The following PTPRR variants were observed in gnomAD, a reference collection of about 807,000 sequenced individuals.
PTPRR encodes receptor-type tyrosine-protein phosphatase R.
In PTPRR, 38 loss-of-function variants were observed where a neutral mutation model predicts 77.2. That is an observed-to-expected ratio of 0.49 (90% CI 0.38 to 0.65). PTPRR has a LOEUF of 0.65. Ranked by LOEUF, PTPRR falls within the 30% of genes least tolerant of loss-of-function variation. The probability of loss-of-function intolerance (pLI) is 0.00; values close to 1 mark genes in which losing one functional copy is unlikely to be tolerated. For missense variants in PTPRR, 744 were observed against 799.2 expected, an observed-to-expected ratio of 0.93 and a Z score of 0.83; for synonymous variants, 299 against 283.1, an observed-to-expected ratio of 1.06 and a Z score of -0.57.
At chr12:70,743,049 C>A (rs1308170047) in intron 6 of PTPRR, among the ~76,000 whole-genome samples, 1 of 152,034 alleles carries the variant, frequency 6.6e-6, no homozygotes, top group Admixed American at 6.6e-5. Flanking sequence ...GCTAAAGGTA[C>A]TTTTTCAGGA....
chr12:70,832,785 C>A (rs1283320472), intron 2 of PTPRR, among the ~76,000 whole-genome samples: 1 of 152,046 alleles, frequency 6.6e-6, no homozygotes, highest in East Asian at 1.9e-4. Flanking sequence ...TGATGTTCTG[C>A]AGGCTGTACA....
chr12:70,772,958 T>C (rs978547510), intron 2 of PTPRR, among the ~76,000 whole-genome samples: 9 of 152,160 alleles, frequency 5.9e-5, no homozygotes, highest in African/African-American at 2.2e-4. Flanking sequence ...AGTGGGGCCA[T>C]GTTCCCTCTT....
At chr12:70,733,441 A>AAAAAAG (rs1555171088) in intron 6 of PTPRR, among the ~76,000 whole-genome samples, 3 of 94,116 alleles carry the variant, frequency 3.2e-5, no homozygotes, top group African/African-American at 1.2e-4. Context: ...AAAAAAAAAA[A>AAAAAAG]AAAAGAAAGA....
chr12:70,673,726 C>T (rs903211796), intron 10 of PTPRR, among the ~76,000 whole-genome samples: 1 of 151,986 alleles, frequency 6.6e-6, no homozygotes, highest in African/African-American at 2.4e-5. Flanking sequence ...AAAATTCAAA[C>T]CAAAGTGGGC....
chr12:70,876,046 C>T (rs77559818), intron 2 of PTPRR, among the ~76,000 whole-genome samples: 2,209 of 152,180 alleles, frequency 0.015, 59 homozygotes, highest in African/African-American at 0.05. Flanking sequence ...CATCAGGCAC[C>T]TTTATGCACA....
At chr12:70,665,887 T>C (rs1193515843) in intron 10 of PTPRR, among the ~76,000 whole-genome samples, 1 of 152,200 alleles carries the variant, frequency 6.6e-6, no homozygotes, top group East Asian at 1.9e-4. Flanking sequence ...TATCATCACA[T>C]AGAATGTGGC....
At chr12:70,644,316 G>A (rs1027393964) in intron 13 of PTPRR, among the ~76,000 whole-genome samples, 3 of 152,150 alleles carry the variant, frequency 2.0e-5, no homozygotes, top group Non-Finnish European at 1.5e-5. Flanking sequence ...CTACTGCTAA[G>A]CAGGAGTTAG....
intron 2 of PTPRR, among the ~76,000 whole-genome samples, chr12:70,774,132 C>T (rs772987607): frequency 2.8e-4 from 42 of 152,306 alleles, no homozygotes; most frequent in Non-Finnish European, 5.9e-4. Flanking sequence ...TACTACCCTT[C>T]CCTTGCAAGG....
chr12:70,668,088 C>G (rs924862666), intron 10 of PTPRR, among the ~76,000 whole-genome samples: 2 of 152,062 alleles, frequency 1.3e-5, no homozygotes, highest in African/African-American at 4.8e-5. Context: ...GATTTCTAAC[C>G]TTGAATGTAA....
chr12:70,814,046 G>A (rs1206405059), intron 2 of PTPRR, among the ~76,000 whole-genome samples: 1 of 152,176 alleles, frequency 6.6e-6, no homozygotes, highest in African/African-American at 2.4e-5. Flanking sequence ...AGAGTATTCA[G>A]AATGACTTAG....
intron 6 of PTPRR, among the ~76,000 whole-genome samples, chr12:70,730,615 T>C (rs993782416): frequency 2.6e-5 from 4 of 151,898 alleles, no homozygotes; most frequent in African/African-American, 7.3e-5. Flanking sequence ...AGAGGATCAC[T>C]TGAGACCAGG....
intron 5 of PTPRR, among the ~76,000 whole-genome samples, chr12:70,748,835 T>A (rs1311063061): frequency 6.6e-6 from 1 of 152,210 alleles, no homozygotes; most frequent in Non-Finnish European, 1.5e-5. Flanking sequence ...GTTCATTCAC[T>A]CTTTTAATTT....
At chr12:70,877,182 C>T (rs1893066293) in intron 2 of PTPRR, among the ~76,000 whole-genome samples, 1 of 152,132 alleles carries the variant, frequency 6.6e-6, no homozygotes, top group African/African-American at 2.4e-5. Flanking sequence ...TCGGTCAGGC[C>T]AGCACATGTG....
intron 2 of PTPRR, among the ~76,000 whole-genome samples, chr12:70,801,974 C>G (rs184953655): frequency 9.2e-5 from 14 of 152,160 alleles, no homozygotes; most frequent in African/African-American, 3.1e-4. Flanking sequence ...ACAGATGGTG[C>G]AGGGGTGTCG....
chr12:70,730,270 G>T (rs1246499195), intron 6 of PTPRR, among the ~76,000 whole-genome samples: 3 of 152,180 alleles, frequency 2.0e-5, no homozygotes, highest in Non-Finnish European at 4.4e-5. Flanking sequence ...CAACACTTTG[G>T]GAGGCCAAGG....
chr12:70,898,314 T>A (rs942125824), intron 1 of PTPRR, among the ~76,000 whole-genome samples: 3 of 150,812 alleles, frequency 2.0e-5, no homozygotes, highest in African/African-American at 7.3e-5. Context: ...AAGTGATACT[T>A]CTATAAATGT....
At chr12:70,767,154 A>C (rs1324278075) in intron 2 of PTPRR, among the ~76,000 whole-genome samples, 1 of 152,130 alleles carries the variant, frequency 6.6e-6, no homozygotes, top group Non-Finnish European at 1.5e-5. Flanking sequence ...GATCAAATTC[A>C]CACATAACAA....
intron 10 of PTPRR, among the ~76,000 whole-genome samples, chr12:70,670,284 G>T (rs1368570982): frequency 6.6e-6 from 1 of 152,130 alleles, no homozygotes; most frequent in Admixed American, 6.5e-5. Flanking sequence ...GACCAAAAGT[G>T]GGTTGCTTGC....
chr12:70,856,209 AG>A (rs1321766585), intron 2 of PTPRR, among the ~76,000 whole-genome samples: 1 of 152,210 alleles, frequency 6.6e-6, no homozygotes, highest in African/African-American at 2.4e-5. Flanking sequence ...ACTGATGAAA[AG>A]ATATAACCCC....
Sources: gnomAD v4.1 joint callset for allele counts (sites outside exome capture counted in the v4.1 genomes callset) on GRCh38, gnomAD v4.1.1 for gene constraint, MANE v1.5 for transcripts, NCBI Gene and HGNC (gene_info 2026-07-23, HGNC 2026-07-21) for gene names.